The following TBC1D12 variants were observed in gnomAD, a reference collection of about 807,000 sequenced individuals.
TBC1D12 encodes the protein TBC1 domain family, member 12.
Under a neutral mutation model 86.7 loss-of-function variants are expected in TBC1D12, and 56 were observed. The ratio of observed to expected loss-of-function variants is 0.65; its 90% CI spans 0.52 to 0.81. TBC1D12 has a LOEUF of 0.81. TBC1D12 is among the 30% of genes least tolerant of loss of function. The pLI is 0.00. For synonymous variants in TBC1D12, 421 were observed against 411.7 expected (o/e 1.02, Z -0.27); for missense variants, 1,023 against 1,038.8 (o/e 0.98, Z 0.21).
chr10:94,532,125 T>A lies in TBC1D12; in HGVS notation c.2259+665T>A, dbSNP rs577600595. On this transcript the variant is annotated intron_variant, in intron 12 of 12. Transcript: ENST00000225235. ...TCAATCTCCTGACCTTGTGATCCAC[T>A]CGTCTTGGCCTCCCAAAGTGTTGGG... is the stretch of plus-strand genomic sequence containing the variant. Among the ~76,000 whole-genome samples the A allele has an allele frequency of 1.9e-4, 29 of 151,446 alleles. No individual in the cohort carries two copies. The South Asian group carries it at 5.6e-3, about 29-fold the overall frequency.
intron 3 of TBC1D12, among the ~76,000 whole-genome samples, chr10:94,481,240 A>G (rs930814555): frequency 3.9e-5 from 6 of 152,158 alleles, no homozygotes; most frequent in Non-Finnish European, 5.9e-5. Flanking sequence ...CACTAGTTAC[A>G]TTGGCCCCTA....
intron 3 of TBC1D12, among the ~76,000 whole-genome samples, chr10:94,482,076 G>T (rs184630844): frequency 1.3e-5 from 2 of 152,116 alleles, no homozygotes; most frequent in South Asian, 4.1e-4. Flanking sequence ...TGTCATGGGG[G>T]TTTGTTGTAC....
intron 2 of TBC1D12, among the ~76,000 whole-genome samples, chr10:94,452,428 C>T (rs1309343697): frequency 6.6e-6 from 1 of 152,092 alleles, no homozygotes; most frequent in African/African-American, 2.4e-5. Context: ...AAAAATTGTG[C>T]TGTGTGTATT....
At position 94,402,917 on chromosome 10, in the gene TBC1D12, G is replaced by A; in HGVS notation, c.304G>A (p.Ala102Thr). ...CCAGGCCGGCGCCCCGCCGCCCTCG[G>A]CAGCCCCACGATCGGACGCCTGCCT... Reference protein sequence around the residue: ...AGQAGAPPPSAAPRSDACLLG... With the variant: ...AGQAGAPPPSTAPRSDACLLG... The change falls in exon 1 of 13, where the codon GCA becomes ACA. Residue 102 changes from alanine (A) to threonine (T), a missense_variant. Around this residue, in one of 2 missense-constraint regions of TBC1D12, gnomAD observed 628 missense variants for 531.1 expected, o/e 1.18. Transcript: ENST00000225235. The A allele has an allele frequency of 6.6e-7, 1 of 1,516,276 alleles. No homozygotes were observed. The highest frequency in any genetic ancestry group is 8.8e-7 in the Non-Finnish European group (1 of 1,137,858). The allele number at this position is 1,516,276 out of a possible 1,614,324, so 93.9% of individuals were successfully genotyped here.
intron 2 of TBC1D12, among the ~76,000 whole-genome samples, chr10:94,459,815 C>T (rs570496279): frequency 2.6e-5 from 4 of 152,316 alleles, no homozygotes; most frequent in Admixed American, 6.5e-5. Context: ...CGAGCCCGCA[C>T]CCACCCGGAA....
rs760244892 is a variant in TBC1D12 at position 94,402,759 on chromosome 10, CGGAGGAGGCTGACGAGGA to C, written c.172_189del (p.Ala58_Glu63del). The C allele has an allele frequency of 6.0e-3, 9,327 of 1,550,286 alleles. 120 individuals carry two copies. The highest frequency in any genetic ancestry group is 4.6e-3 in the Non-Finnish European group (5,226 of 1,146,946). On this transcript the variant is annotated inframe_deletion, in exon 1 of 13. Coordinates refer to ENST00000225235, the MANE Select transcript of TBC1D12 (RefSeq NM_015188.2). ...GGAGGCGTCGGCGCTGTGGAGCCGC[CGGAGGAGGCTGACGAGGA>C]GGAGGAGGCTGACGAGGAGGAGGAG...
intron 3 of TBC1D12, 47 bp from the exon 4 acceptor site, chr10:94,493,318 G>A: frequency 6.9e-7 from 1 of 1,444,020 alleles, no homozygotes; most frequent in African/African-American, 1.4e-5. Context: ...TAAGTTGAAA[G>A]TTAATCTTTT....
intron 12 of TBC1D12, 47 bp from the exon 13 acceptor site, chr10:94,532,981 T>C: frequency 9.4e-7 from 1 of 1,064,714 alleles, no homozygotes; most frequent in Non-Finnish European, 1.4e-6. Flanking sequence ...CTCTTTAATC[T>C]GGGTGGTAGT....
Position 94,402,931 on chromosome 10 carries a change from G to C in TBC1D12, c.318G>C (p.Ser106=). 1 of 1,539,486 alleles carries C rather than the reference G, an allele frequency of 6.5e-7. No individual in the cohort carries two copies. The highest frequency in any genetic ancestry group is 1.2e-5 in the South Asian group (1 of 83,296). The change falls in exon 1 of 13, where the codon TCG becomes TCC. Residue 106 remains serine (S), a synonymous_variant. Transcript: ENST00000225235. The part of the protein sequence containing the change: ...GAPPPSAAPR[S]DACLLGSGSK... ...CGCCGCCCTCGGCAGCCCCACGATCGGACGCCTGCCTGCTGGGCTCGGGCT... is the reference window on the plus strand; with the variant it reads ...CGCCGCCCTCGGCAGCCCCACGATCCGACGCCTGCCTGCTGGGCTCGGGCT...
intron 1 of TBC1D12, among the ~76,000 whole-genome samples, chr10:94,406,721 C>A (rs182313809): frequency 1.9e-4 from 29 of 152,228 alleles, no homozygotes; most frequent in Non-Finnish European, 3.8e-4. Flanking sequence ...AGTTGCTATT[C>A]TCAACTCTGA....
intron 11 of TBC1D12, among the ~76,000 whole-genome samples, chr10:94,525,594 A>C (rs956626425): frequency 6.9e-6 from 1 of 144,892 alleles, no homozygotes; most frequent in Admixed American, 7.1e-5. Context: ...CAGGAGGCCA[A>C]GGTTGCAGTG....
intron 12 of TBC1D12, among the ~76,000 whole-genome samples, chr10:94,531,699 GTTATGTTATTTTATGTTATT>G (rs879864823): frequency 1.8e-5 from 2 of 109,564 alleles, no homozygotes; most frequent in East Asian, 3.2e-4. Context: ...GTTATTTTAT[GTTATGTTATTTTATGTTATT>G]TTATGTTATT....
At chr10:94,473,198 CA>C (rs529280932) in intron 2 of TBC1D12, among the ~76,000 whole-genome samples, 258 of 132,756 alleles carry the variant, frequency 1.9e-3, no homozygotes, top group Admixed American at 1.7e-3. Flanking sequence ...ACTAAAAATA[CA>C]AAAAAAAAAA....
chr10:94,491,407 T>C (rs1050975109), intron 3 of TBC1D12, among the ~76,000 whole-genome samples: 1 of 152,222 alleles, frequency 6.6e-6, no homozygotes, highest in South Asian at 2.1e-4. Flanking sequence ...ATGATTATAT[T>C]TGGATAAGTG....
chr10:94,411,297 G>A (rs2054924104), intron 1 of TBC1D12, among the ~76,000 whole-genome samples: 1 of 152,168 alleles, frequency 6.6e-6, no homozygotes, highest in Admixed American at 6.5e-5. Flanking sequence ...GGGGTAATAA[G>A]TACATTTTAG....
At chr10:94,526,523 A>G (rs145052629) in intron 11 of TBC1D12, among the ~76,000 whole-genome samples, 1 of 152,204 alleles carries the variant, frequency 6.6e-6, no homozygotes, top group African/African-American at 2.4e-5. Context: ...ACTTAACATA[A>G]TGTCCTCTGG....
chr10:94,453,003 T>C (rs771993679), intron 2 of TBC1D12, among the ~76,000 whole-genome samples: 1 of 152,206 alleles, frequency 6.6e-6, no homozygotes, highest in Non-Finnish European at 1.5e-5. Flanking sequence ...TGTCTCATTG[T>C]CTTAATTTGC....
chr10:94,465,794 GCATA>G (rs370235121), intron 2 of TBC1D12, among the ~76,000 whole-genome samples: 6 of 147,436 alleles, frequency 4.1e-5, no homozygotes, highest in Non-Finnish European at 7.5e-5. Flanking sequence ...ATACATATAC[GCATA>G]CATACATATA....
In TBC1D12 at chr10:94,490,031, T is replaced by A. The variant is rs138129331; in HGVS notation, c.1212-3334T>A. 6.1e-3 allele frequency among the ~76,000 whole-genome samples: 936 copies of A among 152,312 alleles called. 48 individuals are homozygous for A. In the East Asian group the frequency reaches 0.11, roughly 18 times the overall value. ...GGGAGGCCGGGGCAGGCAGATCACC[T>A]GAGGTCAGGAGTTTGAGACCAGCCT... On this transcript the variant is annotated intron_variant, in intron 3 of 12. Coordinates refer to ENST00000225235, the MANE Select transcript of TBC1D12 (RefSeq NM_015188.2).
Sources: allele counts gnomAD v4.1 joint callset (sites outside exome capture counted in the v4.1 genomes callset), GRCh38; gene constraint gnomAD v4.1.1; regional missense constraint gnomAD v4.1.1; transcripts MANE v1.5; gene names NCBI Gene and HGNC (gene_info 2026-07-23, HGNC 2026-07-21).